Variants in CLCN7 observed in about 807,000 individuals in gnomAD.
CLCN7 encodes the protein Cl-/H+ antiporter 7.
CLCN7 carries 60 observed loss-of-function variants against 102.1 expected under a neutral mutation model. The observed-to-expected ratio is 0.59, with a 90% CI of 0.48 to 0.73. The LOEUF is 0.73. CLCN7 is among the 30% of genes least tolerant of loss of function. CLCN7 has a pLI of 0.00. For missense variants in CLCN7, 962 were observed against 1,125.7 expected, an observed-to-expected ratio of 0.85 and a Z score of 2.08; for synonymous variants, 560 against 490.5, an observed-to-expected ratio of 1.14 and a Z score of -1.87.
intron 17 of CLCN7, 88 bp downstream of exon 17, chr16:1,450,409 C>T: frequency 7.3e-7 from 1 of 1,361,908 alleles, no homozygotes; most frequent in Non-Finnish European, 1.0e-6. Context: ...CACTTTTGTC[C>T]TGCCCTGGGA....
Position 1,447,078 on chromosome 16 carries a change from C to A in CLCN7, c.2259G>T (p.Ser753=). Residue 753 remains serine (S), a synonymous_variant, in exon 24 of 25, where the codon TCG becomes TCT. Coordinates refer to ENST00000382745, the MANE Select transcript of CLCN7 (RefSeq NM_001287.6). ...PSPYTVPQEA[S]LPRVFKLFRA... ...GGAACAGCTTGAACACCCGTGGGAGCGACGCCTCCTGCAGCAGGGGCACAG... is the reference window on the plus strand; with the variant it reads ...GGAACAGCTTGAACACCCGTGGGAGAGACGCCTCCTGCAGCAGGGGCACAG... The A allele has an allele frequency of 6.3e-7, 1 of 1,598,334 alleles. No individual in the cohort carries two copies.
At chr16:1,449,123 T>A (rs556485160) in intron 18 of CLCN7, 30 bp from the exon 19 acceptor site, 1 of 1,612,330 alleles carries the variant, frequency 6.2e-7, no homozygotes, top group South Asian at 1.1e-5. Flanking sequence ...CCCCAGCACG[T>A]CCACCCTCCT....
chr16:1,465,405 C>CCCG, intron 1 of CLCN7, 67 bp from the exon 2 acceptor site: 5 of 1,409,528 alleles, frequency 3.5e-6, no homozygotes, highest in Non-Finnish European at 3.9e-6. Context: ...GATTCTCACT[C>CCCG]CCGCCGCCGC....
At chr16:1,458,824 A>C (rs1439622366) in intron 7 of CLCN7, among the ~76,000 whole-genome samples, 5 of 152,244 alleles carry the variant, frequency 3.3e-5, no homozygotes, top group Admixed American at 2.6e-4. Context: ...CACGCAGCCC[A>C]CAGTCACAGA....
At chr16:1,447,622 C>A (rs56718462) in intron 22 of CLCN7, 33 bp downstream of exon 22, 4 of 1,551,812 alleles carry the variant, frequency 2.6e-6, no homozygotes. Context: ...CCGGGGCCCC[C>A]ACCCGCCCAA....
chr16:1,447,275 G>C (rs1202927970), intron 23 of CLCN7, 117 bp downstream of exon 23: 6 of 1,219,818 alleles, frequency 4.9e-6, no homozygotes, highest in Non-Finnish European at 5.7e-6. Flanking sequence ...ACAGGAGACA[G>C]AGTCACCGAG....
intron 19 of CLCN7, 77 bp downstream of exon 19, chr16:1,448,889 G>A (rs546638957): frequency 1.2e-6 from 2 of 1,603,354 alleles, no homozygotes; most frequent in African/African-American, 2.7e-5. Flanking sequence ...GGGACCGGCT[G>A]TTTGGAGGCT....
Position 1,448,367 on chromosome 16 carries a change from G to A in CLCN7, c.2001C>T (p.Ala667=), listed in dbSNP as rs147848788. The A allele has an allele frequency of 5.0e-6, 8 of 1,612,608 alleles. No homozygotes were observed. Among genetic ancestry groups the A allele is most frequent in the South Asian group, 3.3e-5 (3 of 91,076 alleles). Residue 667 remains alanine (A), a synonymous_variant, in exon 21 of 25, where the codon GCC becomes GCT. Coordinates refer to ENST00000382745, the MANE Select transcript of CLCN7 (RefSeq NM_001287.6). ...GGGTGCCCGGTACCTGGGTGTCATC[G>A]GCATGCTCCACCACGGGGAAGCCGT... ...NHNGFPVVEH[A]DDTQPARLQG... is the part of the protein sequence containing the mutation.
In CLCN7 at chr16:1,451,167, C is replaced by T. The variant is rs114253201; in HGVS notation, c.1447+456G>A. ...CTTCCGTGAAACACTTGTGGTCGAG[C>T]GAGGCCAGGCCGTGGTCTTGGTGTG... On this transcript the variant is annotated intron_variant, in intron 16 of 24. Transcript: ENST00000382745. Among the ~76,000 whole-genome samples the T allele has an allele frequency of 3.4e-3, 517 of 152,326 alleles. 3 individuals carry two copies. Among genetic ancestry groups the T allele is most frequent in the African/African-American group, 0.012 (497 of 41,574 alleles).
chr16:1,456,816 G>A (rs1029975263), intron 9 of CLCN7, among the ~76,000 whole-genome samples: 1 of 151,126 alleles, frequency 6.6e-6, no homozygotes, highest in African/African-American at 2.4e-5. Context: ...ACTCCAGCCT[G>A]GGCAACAGAG....
In CLCN7 at chr16:1,452,723, C is replaced by T. The variant is rs1475887839; in HGVS notation, c.1353+32G>A. The T allele has an allele frequency of 3.2e-6, 5 of 1,565,858 alleles. No individual in the cohort carries two copies. In the African/African-American group the frequency reaches 6.8e-5, roughly 21 times the overall value. The stretch of plus-strand genomic sequence containing the variant: ...GGAGGCCGCCCTGTGGCTGCCCTGC[C>T]TGCTGGACCCCGCCCGGGCCCAGCC... On this transcript the variant is annotated intron_variant, in intron 15 of 24. Transcript: ENST00000382745.
At chr16:1,448,507 C>A in intron 20 of CLCN7, 23 bp from the exon 21 acceptor site, 1 of 1,606,700 alleles carries the variant, frequency 6.2e-7, no homozygotes, top group African/African-American at 1.3e-5. Flanking sequence ...CCCGGCCACA[C>A]ATGCCCGTCA....
intron 1 of CLCN7, among the ~76,000 whole-genome samples, chr16:1,468,819 T>G (rs530044698): frequency 1.3e-5 from 2 of 152,024 alleles, no homozygotes; most frequent in African/African-American, 4.8e-5. Flanking sequence ...AAGGTAAACA[T>G]TGGGGGGAAA....
At chr16:1,467,378 G>A (rs2039019245) in intron 1 of CLCN7, among the ~76,000 whole-genome samples, 1 of 152,196 alleles carries the variant, frequency 6.6e-6, no homozygotes, top group South Asian at 2.1e-4. Context: ...TCAGTCACAG[G>A]CGAAACTCAC....
rs778229875 is a variant in CLCN7 at position 1,460,376 on chromosome 16, C to G, written c.594+42G>C. 1.9e-5 allele frequency: 27 copies of G among 1,436,706 alleles called. No homozygotes were observed. In the East Asian group the frequency reaches 5.2e-4, roughly 28 times the overall value. The allele number at this position is 1,436,706 out of a possible 1,614,324, so 89.0% of individuals were successfully genotyped here. On this transcript the variant is annotated intron_variant, in intron 6 of 24. Coordinates refer to ENST00000382745, the MANE Select transcript of CLCN7 (RefSeq NM_001287.6). Reference sequence around the variant, plus strand: ...CCGCCCATTCACCAAGACCCCCAATCCTTCATGGGGTCCGCCATAGCTGCG... The same window carrying G: ...CCGCCCATTCACCAAGACCCCCAATGCTTCATGGGGTCCGCCATAGCTGCG...
At position 1,448,263 on chromosome 16, in the gene CLCN7, T is replaced by C. The variant is rs562207890; in HGVS notation, c.2013+92A>G. 57 of 1,546,156 alleles carry C rather than the reference T, an allele frequency of 3.7e-5. No homozygotes were observed. The African/African-American group carries it at 6.1e-4, about 17-fold the overall frequency. ...CTGCCAGTGCACCCAAACGTGCAGC[T>C]TCCCCATCCTGCAAACCTTGCCGTG... is the stretch of plus-strand genomic sequence containing the variant. On this transcript the variant is annotated intron_variant, in intron 21 of 24. Transcript: ENST00000382745.
At chr16:1,465,983 C>T (rs1013110432) in intron 1 of CLCN7, among the ~76,000 whole-genome samples, 1 of 152,340 alleles carries the variant, frequency 6.6e-6, no homozygotes, top group Non-Finnish European at 1.5e-5. Flanking sequence ...AGAGCCAAGG[C>T]GCTGAGGCCA....
At chr16:1,448,569 G>A (rs990862714) in intron 20 of CLCN7, 85 bp from the exon 21 acceptor site, 142 of 1,601,032 alleles carry the variant, frequency 8.9e-5, no homozygotes, top group Admixed American at 6.2e-4. Flanking sequence ...GTGTGAAGCC[G>A]CTGGACAGGA....
Position 1,457,854 on chromosome 16 carries a change from T to C in CLCN7, c.676-98A>G. 5.6e-6 allele frequency: 7 copies of C among 1,251,066 alleles called. No individual in the cohort carries two copies. Among genetic ancestry groups the C allele is most frequent in the South Asian group, 1.2e-5 (1 of 82,830 alleles). The allele number at this position is 1,251,066 out of a possible 1,614,324, so 77.5% of individuals were successfully genotyped here. On this transcript the variant is annotated intron_variant, in intron 7 of 24. Transcript: ENST00000382745. This position sits in a 1 kb window ranked among gnomAD's most constrained non-coding sequence, Gnocchi z 5.4. ...CACACACAGCCCCGATCAGGCAGAG[T>C]GGCTGGGACACGGGGCCTCCGGGAG... is the stretch of plus-strand genomic sequence containing the variant.
Sources: gnomAD v4.1 joint callset for allele counts (sites outside exome capture counted in the v4.1 genomes callset) on GRCh38, gnomAD v4.1.1 for gene constraint, Gnocchi (gnomAD v3.1) non-coding constraint, MANE v1.5 for transcripts, NCBI Gene and HGNC (gene_info 2026-07-23, HGNC 2026-07-21) for gene names.